AGBL4: variants seen among roughly 807,000 people sequenced by gnomAD.
AGBL4 encodes AGBL carboxypeptidase 4, also known as cytosolic carboxypeptidase 6.
In AGBL4, 58 loss-of-function variants were observed where a neutral mutation model predicts 66.4. That is an observed-to-expected ratio of 0.87 (90% confidence interval 0.71 to 1.09). The LOEUF (loss-of-function observed/expected upper bound fraction) is 1.09. AGBL4 is among the 50% of genes least tolerant of loss of function. AGBL4 has a pLI of 0.00. For missense variants in AGBL4, 579 were observed against 631.0 expected (o/e 0.92, Z 0.88); for synonymous variants, 234 against 222.9 (o/e 1.05, Z -0.44).
chr1:49,402,786 C>T (rs910359513), intron 3 of AGBL4, among the ~76,000 whole-genome samples: 6 of 152,110 alleles, frequency 3.9e-5, no homozygotes, highest in Non-Finnish European at 7.4e-5. Flanking sequence ...AGACTGGTCG[C>T]GAACTCCTGA....
intron 5 of AGBL4, among the ~76,000 whole-genome samples, chr1:48,889,896 G>A (rs1280437909): frequency 3.9e-5 from 6 of 152,134 alleles, no homozygotes; most frequent in Admixed American, 6.6e-5. Context: ...GGGACGGGGA[G>A]GATGGCAGAG....
chr1:48,977,822 G>A (rs1303817784), intron 5 of AGBL4, among the ~76,000 whole-genome samples: 1 of 152,210 alleles, frequency 6.6e-6, no homozygotes, highest in South Asian at 2.1e-4. Flanking sequence ...GATTATCTGC[G>A]AAGCTTTTTA....
intron 4 of AGBL4, among the ~76,000 whole-genome samples, chr1:49,207,769 G>T: frequency 6.6e-6 from 1 of 151,224 alleles, no homozygotes; most frequent in East Asian, 2.0e-4. Context: ...TAAATTTTTT[G>T]TAGAGATGGT....
chr1:49,669,020 T>C (rs925858737), intron 3 of AGBL4, among the ~76,000 whole-genome samples: 4 of 152,084 alleles, frequency 2.6e-5, no homozygotes, highest in Admixed American at 6.6e-5. Flanking sequence ...AATATTAAAG[T>C]AGATAATGTT....
intron 5 of AGBL4, among the ~76,000 whole-genome samples, chr1:48,900,438 A>G (rs965854294): frequency 2.0e-5 from 3 of 152,198 alleles, no homozygotes; most frequent in African/African-American, 7.2e-5. Context: ...ACCCAAAATA[A>G]CTTTGAGAAA....
chr1:48,717,565 G>A (rs1647073351), intron 6 of AGBL4, among the ~76,000 whole-genome samples: 1 of 152,266 alleles, frequency 6.6e-6, no homozygotes, highest in Non-Finnish European at 1.5e-5. Context: ...TTTCCTGTTG[G>A]TGGGCATTGG....
At chr1:49,168,221 A>G (rs1646668851) in intron 4 of AGBL4, among the ~76,000 whole-genome samples, 1 of 152,228 alleles carries the variant, frequency 6.6e-6, no homozygotes, top group African/African-American at 2.4e-5. Context: ...ACTATGATCA[A>G]TCTTGTATCT....
At chr1:48,900,038 G>C (rs1478209227) in intron 5 of AGBL4, among the ~76,000 whole-genome samples, 1 of 152,098 alleles carries the variant, frequency 6.6e-6, no homozygotes, top group Admixed American at 6.6e-5. Context: ...GGGGCATTTG[G>C]AGTTATGAAG....
chr1:48,557,944 C>T (rs1644345184), intron 11 of AGBL4, among the ~76,000 whole-genome samples: 1 of 152,178 alleles, frequency 6.6e-6, no homozygotes, highest in South Asian at 2.1e-4. Context: ...CAGAGACTAC[C>T]TCTTCTCCAT....
chr1:49,116,118 A>G (rs968476084), intron 4 of AGBL4, among the ~76,000 whole-genome samples: 6 of 152,194 alleles, frequency 3.9e-5, no homozygotes, highest in African/African-American at 1.4e-4. Flanking sequence ...AAATCTCTGT[A>G]TAAGTATGTT....
intron 1 of AGBL4, among the ~76,000 whole-genome samples, chr1:49,856,720 G>A (rs1646442171): frequency 6.6e-6 from 1 of 151,912 alleles, no homozygotes; most frequent in Non-Finnish European, 1.5e-5. Flanking sequence ...GCTACAGAAA[G>A]AACATATCTC....
chr1:49,367,152 G>A (rs1407742136), intron 3 of AGBL4, among the ~76,000 whole-genome samples: 1 of 152,170 alleles, frequency 6.6e-6, no homozygotes, highest in African/African-American at 2.4e-5. Context: ...CATGTCACTG[G>A]CTGATATAGT....
At chr1:48,991,109 C>A (rs949217790) in intron 5 of AGBL4, among the ~76,000 whole-genome samples, 1 of 152,220 alleles carries the variant, frequency 6.6e-6, no homozygotes, top group African/African-American at 2.4e-5. Flanking sequence ...ACATCATTTT[C>A]TTTCTAAATA....
intron 3 of AGBL4, among the ~76,000 whole-genome samples, chr1:49,505,703 G>C (rs1648616695): frequency 6.6e-6 from 1 of 151,852 alleles, no homozygotes; most frequent in African/African-American, 2.4e-5. Flanking sequence ...AATATGTCTT[G>C]ATGTAGTCTT....
At chr1:49,817,362 A>G (rs540800638) in intron 2 of AGBL4, among the ~76,000 whole-genome samples, 2 of 152,320 alleles carry the variant, frequency 1.3e-5, no homozygotes, top group Non-Finnish European at 2.9e-5. Flanking sequence ...AGATTGCCTA[A>G]TAAGTTTCCA....
chr1:49,079,737 G>C lies in AGBL4; in HGVS notation c.378-33937C>G, dbSNP rs144978162. ...CTACCCAGGTAAAAATGGTGGAATT[G>C]AGTCTTGAACTATGAGAGAGGGAAT... is the stretch of plus-strand genomic sequence containing the variant. On this transcript the variant is annotated intron_variant, in intron 4 of 13. Transcript: ENST00000371839. 3.5e-3 allele frequency among the ~76,000 whole-genome samples: 531 copies of C among 152,278 alleles called. 4 individuals are homozygous for C. The highest frequency in any genetic ancestry group is 5.8e-3 in the Non-Finnish European group (392 of 68,032).
intron 1 of AGBL4, among the ~76,000 whole-genome samples, chr1:49,902,801 A>G (rs1359520839): frequency 6.6e-6 from 1 of 152,166 alleles, no homozygotes; most frequent in African/African-American, 2.4e-5. Context: ...CCACAAAGAG[A>G]TACCATCTCA....
intron 4 of AGBL4, among the ~76,000 whole-genome samples, chr1:49,127,183 T>C (rs999007655): frequency 1.3e-5 from 2 of 152,186 alleles, no homozygotes; most frequent in East Asian, 3.8e-4. Context: ...ACCAGGCTTT[T>C]TGCCTGGGGG....
intron 5 of AGBL4, among the ~76,000 whole-genome samples, chr1:48,960,747 A>T (rs1475113891): frequency 2.6e-5 from 4 of 152,244 alleles, no homozygotes; most frequent in African/African-American, 9.6e-5. Flanking sequence ...CTGTCATGAA[A>T]TATATTCTGC....
Sources: gnomAD v4.1 joint callset for allele counts (sites outside exome capture counted in the v4.1 genomes callset) on GRCh38, gnomAD v4.1.1 for gene constraint, MANE v1.5 for transcripts, NCBI Gene and HGNC (gene_info 2026-07-23, HGNC 2026-07-21) for gene names.